Variants in TACR3 observed in about 807,000 individuals in gnomAD.
The protein encoded by TACR3 is neuromedin-K receptor.
TACR3 carries 34 observed loss-of-function variants against 35.0 expected under a neutral mutation model. That is an observed-to-expected ratio of 0.97 (90% CI 0.74 to 1.30). The LOEUF (loss-of-function observed/expected upper bound fraction) is 1.30. Among genes scored for constraint, TACR3 ranks in the 50% most tolerant of loss-of-function variants. The probability of loss-of-function intolerance (pLI) is 0.00; values close to 1 mark genes in which losing one functional copy is unlikely to be tolerated. For synonymous variants in TACR3, 233 were observed against 221.1 expected (o/e 1.05, Z -0.48); for missense variants, 558 against 591.7 (o/e 0.94, Z 0.59).
intron 3 of TACR3, among the ~76,000 whole-genome samples, chr4:103,655,291 C>CTGT (rs1725709085): frequency 6.6e-6 from 1 of 152,064 alleles, no homozygotes; most frequent in African/African-American, 2.4e-5. Context: ...GTTTTTAAGA[C>CTGT]TGTTGACTGA....
chr4:103,716,667 G>T (rs779192004), intron 1 of TACR3, among the ~76,000 whole-genome samples: 32 of 150,944 alleles, frequency 2.1e-4, no homozygotes, highest in Non-Finnish European at 4.3e-4. Flanking sequence ...TGCTACAGCT[G>T]AACAAAAGCC....
In TACR3 at chr4:103,629,747, A is replaced by C. The variant is rs567929857; in HGVS notation, c.888+26447T>G. ...AATTTACAGATTCAATGCCATCCCC[A>C]TCAAGCTACCAATGACTTTCTTCAC... is the stretch of plus-strand genomic sequence containing the variant. On this transcript the variant is annotated intron_variant, in intron 3 of 4. Coordinates refer to ENST00000304883, the MANE Select transcript of TACR3 (RefSeq NM_001059.3). Among the ~76,000 whole-genome samples, 3 of 151,808 alleles carry C rather than the reference A, an allele frequency of 2.0e-5. 1 individual carries two copies. Among genetic ancestry groups the C allele is most frequent in the African/African-American group, 7.3e-5 (3 of 41,306 alleles).
At chr4:103,629,110 C>T (rs943174859) in intron 3 of TACR3, among the ~76,000 whole-genome samples, 3 of 152,120 alleles carry the variant, frequency 2.0e-5, no homozygotes, top group Non-Finnish European at 2.9e-5. Flanking sequence ...TAAAAACTCT[C>T]AATAAACTAG....
At chr4:103,591,754 T>C (rs1723902828) in intron 3 of TACR3, 71 bp from the exon 4 acceptor site, 5 of 1,408,062 alleles carry the variant, frequency 3.6e-6, no homozygotes, top group Non-Finnish European at 2.9e-6. Flanking sequence ...TTGCAAATCA[T>C]GCTTTTCTGC....
chr4:103,665,650 A>T (rs1005877994), intron 1 of TACR3, among the ~76,000 whole-genome samples: 9 of 152,162 alleles, frequency 5.9e-5, no homozygotes, highest in African/African-American at 2.2e-4. Context: ...TTACTCAAGT[A>T]GTCACAAAAT....
intron 1 of TACR3, among the ~76,000 whole-genome samples, chr4:103,703,945 C>CA (rs1330183830): frequency 5.3e-5 from 8 of 150,892 alleles, no homozygotes; most frequent in Non-Finnish European, 1.0e-4. Context: ...CTACAAAATA[C>CA]AAAAAAAATT....
At chr4:103,682,062 A>G (rs1722107438) in intron 1 of TACR3, among the ~76,000 whole-genome samples, 1 of 152,146 alleles carries the variant, frequency 6.6e-6, no homozygotes, top group Admixed American at 6.6e-5. Flanking sequence ...TAGTAGCTTA[A>G]TACTTTAAAA....
At chr4:103,648,786 C>CT (rs1365711991) in intron 3 of TACR3, among the ~76,000 whole-genome samples, 1 of 152,036 alleles carries the variant, frequency 6.6e-6, no homozygotes, top group Non-Finnish European at 1.5e-5. Flanking sequence ...GATTTCCTTC[C>CT]TTTTGGTTAT....
At chr4:103,700,790 C>T (rs372404324) in intron 1 of TACR3, among the ~76,000 whole-genome samples, 49 of 152,168 alleles carry the variant, frequency 3.2e-4, no homozygotes, top group Middle Eastern at 3.4e-3. Flanking sequence ...ACAGAACCAA[C>T]GACAAAAAGC....
At chr4:103,686,456 G>T (rs1578257325) in intron 1 of TACR3, among the ~76,000 whole-genome samples, 1 of 152,028 alleles carries the variant, frequency 6.6e-6, no homozygotes, top group Non-Finnish European at 1.5e-5. Flanking sequence ...TGGTACCATA[G>T]ACCACAAACT....
intron 3 of TACR3, among the ~76,000 whole-genome samples, chr4:103,645,589 A>G (rs975247750): frequency 1.3e-5 from 2 of 152,012 alleles, no homozygotes; most frequent in African/African-American, 2.4e-5. Context: ...ATAAATCTTG[A>G]CAAAATCTAC....
intron 3 of TACR3, among the ~76,000 whole-genome samples, chr4:103,620,704 A>G (rs1724755963): frequency 1.3e-5 from 2 of 152,050 alleles, no homozygotes; most frequent in Admixed American, 6.5e-5. Context: ...TTGAGCACAC[A>G]TGGACATAAA....
chr4:103,627,025 A>T (rs1003499498), intron 3 of TACR3, among the ~76,000 whole-genome samples: 4 of 150,534 alleles, frequency 2.7e-5, no homozygotes, highest in African/African-American at 9.8e-5. Flanking sequence ...ATAAATAAAA[A>T]AAAAAAATTA....
intron 1 of TACR3, among the ~76,000 whole-genome samples, chr4:103,715,896 T>C (rs1400481980): frequency 6.6e-6 from 1 of 152,164 alleles, no homozygotes; most frequent in Non-Finnish European, 1.5e-5. Flanking sequence ...TATATATATA[T>C]GTAAGATATG....
intron 1 of TACR3, among the ~76,000 whole-genome samples, chr4:103,678,090 G>GTAA: frequency 6.6e-6 from 1 of 152,114 alleles, no homozygotes. Context: ...TGAATGGAGA[G>GTAA]TAATGAGATC....
chr4:103,598,589 C>T (rs982299804), intron 3 of TACR3, among the ~76,000 whole-genome samples: 1 of 152,082 alleles, frequency 6.6e-6, no homozygotes, highest in African/African-American at 2.4e-5. Context: ...GGTTTTAGGT[C>T]TAACATGTAA....
At chr4:103,623,166 C>T (rs1042910030) in intron 3 of TACR3, among the ~76,000 whole-genome samples, 2 of 151,880 alleles carry the variant, frequency 1.3e-5, no homozygotes, top group African/African-American at 4.8e-5. Flanking sequence ...TTATTTAAAT[C>T]TTCCTGTGAA....
intron 3 of TACR3, among the ~76,000 whole-genome samples, chr4:103,629,881 C>CAAAAAAAAACAAAAAA (rs1560814125): frequency 8.5e-6 from 1 of 117,690 alleles, no homozygotes; most frequent in African/African-American, 3.5e-5. Context: ...ACAAAAAAAA[C>CAAAAAAAAACAAAAAA]AACAACAACA....
intron 3 of TACR3, among the ~76,000 whole-genome samples, chr4:103,634,249 A>C (rs1256639813): frequency 6.6e-6 from 1 of 152,144 alleles, no homozygotes; most frequent in Non-Finnish European, 1.5e-5. Flanking sequence ...CATTGCTTAA[A>C]AATCTTTCTT....
Sources: gnomAD v4.1 joint callset for allele counts (sites outside exome capture counted in the v4.1 genomes callset) on GRCh38, gnomAD v4.1.1 for gene constraint, MANE v1.5 for transcripts, NCBI Gene and HGNC (gene_info 2026-07-23, HGNC 2026-07-21) for gene names.